VPS33B: variants seen among roughly 807,000 people sequenced by gnomAD.
The protein encoded by VPS33B is VPS33B late endosome and lysosome associated.
In VPS33B, 80 loss-of-function variants were observed where a neutral mutation model predicts 95.3. That is an observed-to-expected ratio of 0.84 (90% CI 0.70 to 1.01). The LOEUF is 1.01. Ranked by LOEUF, VPS33B falls within the 50% of genes least tolerant of loss-of-function variation. The pLI, the probability that VPS33B is intolerant of heterozygous loss-of-function variation, is 0.00. For missense variants in VPS33B, 715 were observed against 773.4 expected (o/e 0.92, Z 0.90); for synonymous variants, 280 against 280.4 (o/e 1.00, Z 0.01).
rs746192691 is a variant in VPS33B at position 91,003,094 on chromosome 15, C to G, written c.1263G>C (p.Gln421His). 6.2e-7 allele frequency: 1 copy of G among 1,614,154 alleles called. No homozygotes were observed. The highest frequency in any genetic ancestry group is 8.5e-7 in the Non-Finnish European group (1 of 1,180,028). ...ATTCTCCAGGCCTTACCTGCAGATA[C>G]TGTGTTTTCAGAGATCGGTAATCCT... Reference protein sequence around the residue: ...IPKDYRSLKTQYLQSYGPEHL... With the variant: ...IPKDYRSLKTHYLQSYGPEHL... Residue 421 changes from glutamine to histidine, a missense_variant, in exon 17 of 23, where the codon CAG (glutamine) becomes CAC (histidine). Physicochemically the swap from Gln to His is conservative, Grantham distance 24 (BLOSUM62 0). Transcript: ENST00000333371.
rs1417667713 is a variant in VPS33B, at chr15:91,010,385, G to A, written c.358-539C>T. Among the ~76,000 whole-genome samples, 1 of 152,166 alleles carries A rather than the reference G, an allele frequency of 6.6e-6. No individual in the cohort carries two copies. Among genetic ancestry groups the A allele is most frequent in the African/African-American group, 2.4e-5 (1 of 41,424 alleles). ...GAAGGCCGAGGCAGGTGAATCGCTTGAGCCCAGAAGTTCTAGACCAGTCTG... is the reference window on the plus strand; with the variant it reads ...GAAGGCCGAGGCAGGTGAATCGCTTAAGCCCAGAAGTTCTAGACCAGTCTG... On this transcript the variant is annotated intron_variant, in intron 5 of 22. Coordinates refer to ENST00000333371, the MANE Select transcript of VPS33B (RefSeq NM_018668.5). This position sits in a 1 kb window ranked among gnomAD's most constrained non-coding sequence, Gnocchi z 5.7.
intron 5 of VPS33B, among the ~76,000 whole-genome samples, chr15:91,012,007 A>G (rs926490608): frequency 6.6e-6 from 1 of 151,654 alleles, no homozygotes; most frequent in Non-Finnish European, 1.5e-5. Context: ...AAACAAAACA[A>G]AACAAAACAA....
Position 91,006,279 on chromosome 15 carries a change from G to A in VPS33B, c.852+93C>T. On this transcript the variant is annotated intron_variant, in intron 11 of 22. Coordinates refer to ENST00000333371, the MANE Select transcript of VPS33B (RefSeq NM_018668.5). The surrounding 1 kb of genome is among the most constrained non-coding windows in gnomAD (Gnocchi z 5.4). ...CATAGACTCAGCCTCCCCTCTCAGA[G>A]CTGGGGCCCACAGCCTGGTATAAGC... 2.6e-6 allele frequency: 4 copies of A among 1,551,346 alleles called. No homozygotes were observed. Among genetic ancestry groups the A allele is most frequent in the Non-Finnish European group, 3.6e-6 (4 of 1,126,620 alleles).
At position 91,002,958 on chromosome 15, in the gene VPS33B, G is replaced by T; in HGVS notation, c.1272+127C>A. On this transcript the variant is annotated intron_variant, in intron 17 of 22. Transcript: ENST00000333371. The surrounding 1 kb of genome is among the most constrained non-coding windows in gnomAD (Gnocchi z 4.7). Reference sequence around the variant, plus strand: ...GTGACTCTCCCTAGTAGCTCTAAGAGGGAGGCCTGAATGGAAACAGGAGGG... The same window carrying T: ...GTGACTCTCCCTAGTAGCTCTAAGATGGAGGCCTGAATGGAAACAGGAGGG... The T allele has an allele frequency of 9.8e-7, 1 of 1,024,660 alleles. No individual in the cohort carries two copies. Among genetic ancestry groups the T allele is most frequent in the Non-Finnish European group, 1.5e-6 (1 of 646,508 alleles). The allele number at this position is 1,024,660 out of a possible 1,614,324, so 63.5% of individuals were successfully genotyped here. A position where few individuals can be genotyped will look rare whatever the true frequency, so the allele number is the denominator to read the frequency against.
Position 91,005,332 on chromosome 15 carries a change from G to C in VPS33B, c.1105+48C>G. 1 of 1,614,106 alleles carries C rather than the reference G, an allele frequency of 6.2e-7. No homozygotes were observed. Among genetic ancestry groups the C allele is most frequent in the Non-Finnish European group, 8.5e-7 (1 of 1,180,024 alleles). ...TAAGGGTGGGACGGGGCTGGGAGCTGGGGAAGTAGAAGCGTGGGCAGTAGC... is the reference window on the plus strand; with the variant it reads ...TAAGGGTGGGACGGGGCTGGGAGCTCGGGAAGTAGAAGCGTGGGCAGTAGC... On this transcript the variant is annotated intron_variant, in intron 14 of 22. Transcript: ENST00000333371. This position sits in a 1 kb window ranked among gnomAD's most constrained non-coding sequence, Gnocchi z 6.4.
Position 91,018,588 on chromosome 15 carries a change from G to C in VPS33B, c.97-703C>G, listed in dbSNP as rs1372917978. On this transcript the variant is annotated intron_variant, in intron 1 of 22. Transcript: ENST00000333371. The surrounding 1 kb of genome is among the most constrained non-coding windows in gnomAD (Gnocchi z 4.7). ...AAAGAGAGCATAGGCTGTGTAGTAA[G>C]GGGACGATTTTGCCCTCCGAGGGAC... Among the ~76,000 whole-genome samples, 1 of 152,178 alleles carries C rather than the reference G, an allele frequency of 6.6e-6. No individual in the cohort carries two copies. The highest frequency in any genetic ancestry group is 1.5e-5 in the Non-Finnish European group (1 of 68,026).
chr15:90,999,807 A>G lies in VPS33B; in HGVS notation c.1658-14T>C. 2 of 1,614,050 alleles carry G rather than the reference A, an allele frequency of 1.2e-6. No individual in the cohort carries two copies. Among genetic ancestry groups the G allele is most frequent in the Non-Finnish European group, 8.5e-7 (1 of 1,179,966 alleles). ...CCTTAGTCATATCTGTGAGGATCAG[A>G]CCAGATTCAGCCCTTCCCTGACATG... is the stretch of plus-strand genomic sequence containing the variant. On this transcript the variant is annotated splice_polypyrimidine_tract_variant and intron_variant, in intron 21 of 22. Coordinates refer to ENST00000333371, the MANE Select transcript of VPS33B (RefSeq NM_018668.5). This position sits in a 1 kb window ranked among gnomAD's most constrained non-coding sequence, Gnocchi z 5.1.
rs1328127286 is a variant in VPS33B, at chr15:91,010,367, G to A, written c.358-521C>T. 2.0e-5 allele frequency among the ~76,000 whole-genome samples: 3 copies of A among 152,192 alleles called. No individual in the cohort carries two copies. Among genetic ancestry groups the A allele is most frequent in the East Asian group, 1.9e-4 (1 of 5,200 alleles). On this transcript the variant is annotated intron_variant, in intron 5 of 22. Coordinates refer to ENST00000333371, the MANE Select transcript of VPS33B (RefSeq NM_018668.5). This position sits in a 1 kb window ranked among gnomAD's most constrained non-coding sequence, Gnocchi z 5.7. ...TATAATCCCAGAACTTTGGAAGGCC[G>A]AGGCAGGTGAATCGCTTGAGCCCAG...
chr15:91,001,092 GA>G, intron 19 of VPS33B: 1 of 384,140 alleles, frequency 2.6e-6, no homozygotes, highest in Non-Finnish European at 5.0e-6. Flanking sequence ...GAGGTGGGCG[GA>G]TCACCTGAGG....
rs79926402 is a variant in VPS33B, at chr15:91,010,216, G to A, written c.358-370C>T. Among the ~76,000 whole-genome samples, 3,732 of 152,260 alleles carry A rather than the reference G, an allele frequency of 0.025. 157 individuals are homozygous for A. Among genetic ancestry groups the A allele is most frequent in the African/African-American group, 0.084 (3,475 of 41,522 alleles). On this transcript the variant is annotated intron_variant, in intron 5 of 22. Coordinates refer to ENST00000333371, the MANE Select transcript of VPS33B (RefSeq NM_018668.5). The surrounding 1 kb of genome is among the most constrained non-coding windows in gnomAD (Gnocchi z 5.7). ...AGATGGGAGGAAAAGATCTGTACAA[G>A]GGAGAGTGAGTTCTGTTTAGGACAT...
rs993400937 is a variant in VPS33B at position 91,017,854 on chromosome 15, G to C, written c.128C>G (p.Ala43Gly). Residue 43 changes from alanine to glycine, a missense_variant, in exon 2 of 23, where the codon GCA becomes GGA. By Grantham distance (60) the Ala-to-Gly change is moderately conservative. Coordinates refer to ENST00000333371, the MANE Select transcript of VPS33B (RefSeq NM_018668.5). ...TCGATCCAAAGGGCTCATGAGATCT[G>C]CCTCAATGAATAAATCCTTTTTTCC... ...LPGKKDLFIE[A>G]DLMSPLDRIA... The C allele has an allele frequency of 6.2e-7, 1 of 1,614,102 alleles. No homozygotes were observed. The highest frequency in any genetic ancestry group is 8.5e-7 in the Non-Finnish European group (1 of 1,179,994).
Position 91,013,065 on chromosome 15 carries a change from T to C in VPS33B, c.357+739A>G, listed in dbSNP as rs1386272090. ...GGAGGGTGATGATTTATCGTATTTA[T>C]TCTTAAAGGGATACAGGGAGAAAGT... On this transcript the variant is annotated intron_variant, in intron 5 of 22. Coordinates refer to ENST00000333371, the MANE Select transcript of VPS33B (RefSeq NM_018668.5). The surrounding 1 kb of genome is among the most constrained non-coding windows in gnomAD (Gnocchi z 4.5). Among the ~76,000 whole-genome samples, 3 of 152,198 alleles carry C rather than the reference T, an allele frequency of 2.0e-5. No homozygotes were observed. The highest frequency in any genetic ancestry group is 6.5e-5 in the Admixed American group (1 of 15,280).
rs2040654981 is a variant in VPS33B, at chr15:91,007,675, G to T, written c.499-102C>A. 9.6e-6 allele frequency: 13 copies of T among 1,353,826 alleles called. No individual in the cohort carries two copies. Among genetic ancestry groups the T allele is most frequent in the Non-Finnish European group, 1.3e-5 (12 of 947,994 alleles). The allele number at this position is 1,353,826 out of a possible 1,614,324, so 83.9% of individuals were successfully genotyped here. A position where few individuals can be genotyped will look rare whatever the true frequency, so the allele number is the denominator to read the frequency against. On this transcript the variant is annotated intron_variant, in intron 7 of 22. Transcript: ENST00000333371. The surrounding 1 kb of genome is among the most constrained non-coding windows in gnomAD (Gnocchi z 5.3). The stretch of plus-strand genomic sequence containing the variant: ...CCTGGAGCAGGGTGGCAGGGCCTGG[G>T]GGATGCTTGAAAGGTTTTCATTGGC...
rs748665659 is a variant in VPS33B, at chr15:91,000,821, T to G, written c.1480-230A>C. 12 of 500,552 alleles carry G rather than the reference T, an allele frequency of 2.4e-5. No homozygotes were observed. Among genetic ancestry groups the G allele is most frequent in the Non-Finnish European group, 3.7e-5 (10 of 272,698 alleles). 31.0% of individuals were successfully genotyped at this position (500,552 alleles called of 1,614,324 possible). On this transcript the variant is annotated intron_variant, in intron 19 of 22. Coordinates refer to ENST00000333371, the MANE Select transcript of VPS33B (RefSeq NM_018668.5). The surrounding 1 kb of genome is among the most constrained non-coding windows in gnomAD (Gnocchi z 4.9). ...CCATTATTGAATAATGTAAAGGGGC[T>G]GGAGGGATGGCTTCTCCTTTCCCTA...
chr15:91,004,449 A>G (rs1183737322), intron 16 of VPS33B, among the ~76,000 whole-genome samples: 1 of 152,196 alleles, frequency 6.6e-6, no homozygotes, highest in Non-Finnish European at 1.5e-5. Flanking sequence ...GGTTGTGGTG[A>G]GCCGAGATCG....
chr15:91,012,071 A>G (rs1370293624), intron 5 of VPS33B, among the ~76,000 whole-genome samples: 3 of 145,574 alleles, frequency 2.1e-5, no homozygotes, highest in African/African-American at 7.7e-5. Flanking sequence ...TTTGAAAAGA[A>G]AAAAAAAAAA....
rs1439619281 is a variant in VPS33B, at chr15:91,007,186, A to C, written c.604-140T>G. Reference sequence around the variant, plus strand: ...AATTATTCACAATATGGCCCTATCTACTCCCGTCTGTGTCTATCTTTCCCC... The same window carrying C: ...AATTATTCACAATATGGCCCTATCTCCTCCCGTCTGTGTCTATCTTTCCCC... On this transcript the variant is annotated intron_variant, in intron 8 of 22. Coordinates refer to ENST00000333371, the MANE Select transcript of VPS33B (RefSeq NM_018668.5). The surrounding 1 kb of genome is among the most constrained non-coding windows in gnomAD (Gnocchi z 5.3). 1.0e-5 allele frequency: 9 copies of C among 896,866 alleles called. No homozygotes were observed. The highest frequency in any genetic ancestry group is 1.6e-5 in the Non-Finnish European group (9 of 556,314). 55.6% of individuals were successfully genotyped at this position (896,866 alleles called of 1,614,324 possible). A position where few individuals can be genotyped will look rare whatever the true frequency, so the allele number is the denominator to read the frequency against.
At position 91,007,775 on chromosome 15, in the gene VPS33B, G is replaced by C. The variant is rs2040657942; in HGVS notation, c.498+95C>G. On this transcript the variant is annotated intron_variant, in intron 7 of 22. Coordinates refer to ENST00000333371, the MANE Select transcript of VPS33B (RefSeq NM_018668.5). This position sits in a 1 kb window ranked among gnomAD's most constrained non-coding sequence, Gnocchi z 5.3. ...CACTATCACTTGTGATAAATTACTT[G>C]CGTTGGACAAAGGTTATATTGGTAT... The C allele has an allele frequency of 7.7e-7, 1 of 1,291,336 alleles. No homozygotes were observed. Among genetic ancestry groups the C allele is most frequent in the Non-Finnish European group, 1.1e-6 (1 of 889,576 alleles). The allele number at this position is 1,291,336 out of a possible 1,614,324, so 80.0% of individuals were successfully genotyped here.
chr15:91,000,400 T>TAAA lies in VPS33B; in HGVS notation c.1581+87_1581+89dup. On this transcript the variant is annotated intron_variant, in intron 20 of 22. Coordinates refer to ENST00000333371, the MANE Select transcript of VPS33B (RefSeq NM_018668.5). This position sits in a 1 kb window ranked among gnomAD's most constrained non-coding sequence, Gnocchi z 4.9. ...TGACAGAGCAAGACTCCATCTCAAA[T>TAAA]AAAAAAAAAAAAACATTGAGACACG... The TAAA allele has an allele frequency of 1.4e-4, 140 of 1,029,096 alleles. No homozygotes were observed. Among genetic ancestry groups the TAAA allele is most frequent in the Non-Finnish European group, 1.6e-4 (121 of 733,596 alleles). 63.7% of individuals were successfully genotyped at this position (1,029,096 alleles called of 1,614,324 possible). A position where few individuals can be genotyped will look rare whatever the true frequency, so the allele number is the denominator to read the frequency against.
Sources: gnomAD v4.1 joint callset for allele counts (sites outside exome capture counted in the v4.1 genomes callset) on GRCh38, gnomAD v4.1.1 for gene constraint, Gnocchi (gnomAD v3.1) non-coding constraint, MANE v1.5 for transcripts, NCBI Gene and HGNC (gene_info 2026-07-23, HGNC 2026-07-21) for gene names.